PTPRG: variants seen among roughly 807,000 people sequenced by gnomAD.
PTPRG encodes receptor-type tyrosine-protein phosphatase gamma.
Under a neutral mutation model 165.3 loss-of-function variants are expected in PTPRG, and 102 were observed. The observed-to-expected ratio is 0.62, with a 90% CI of 0.53 to 0.73. The LOEUF is 0.73. Among genes scored for constraint, PTPRG ranks in the 30% least tolerant of loss-of-function variants. PTPRG has a pLI of 0.00. For missense variants in PTPRG, 1,866 were observed against 1,861.4 expected (o/e 1.00, Z -0.05); for synonymous variants, 675 against 669.5 (o/e 1.01, Z -0.13).
At position 62,203,197 on chromosome 3, in the gene PTPRG, G is replaced by A. The variant is rs746456916; in HGVS notation, c.1402G>A (p.Ala468Thr). The change falls in exon 12 of 30, where the codon GCC becomes ACC. Residue 468 changes from alanine to threonine, a missense_variant. Ala to Thr is a moderately conservative substitution (Grantham distance 58). Transcript: ENST00000474889. This position sits in a 1 kb window ranked among gnomAD's most constrained non-coding sequence, Gnocchi z 6.4. Reference sequence around the variant, plus strand: ...GCCCACAGCGTCTCCTGCCTCTTCAGCCGACATGGCCCCCATCAGCTCGGG... The same window carrying A: ...GCCCACAGCGTCTCCTGCCTCTTCAACCGACATGGCCCCCATCAGCTCGGG... Reference protein sequence around the residue: ...GVPTASPASSADMAPISSGSS... With the variant: ...GVPTASPASSTDMAPISSGSS... 2.5e-6 allele frequency: 4 copies of A among 1,599,390 alleles called. No individual in the cohort carries two copies. Among genetic ancestry groups the A allele is most frequent in the African/African-American group, 1.3e-5 (1 of 74,516 alleles).
At chr3:62,202,302 C>A (rs1271032718) in intron 11 of PTPRG, among the ~76,000 whole-genome samples, 2 of 152,156 alleles carry the variant, frequency 1.3e-5, no homozygotes, top group Non-Finnish European at 2.9e-5. Context: ...AGTCTTAGAC[C>A]CAGGCAGCCC....
chr3:62,211,047 T>C (rs1460147065), intron 12 of PTPRG, among the ~76,000 whole-genome samples: 1 of 152,168 alleles, frequency 6.6e-6, no homozygotes, highest in Non-Finnish European at 1.5e-5. Flanking sequence ...GAGGTATTTG[T>C]AGACCCATGT....
At chr3:61,604,417 GTT>G (rs1700946079) in intron 1 of PTPRG, among the ~76,000 whole-genome samples, 2 of 152,334 alleles carry the variant, frequency 1.3e-5, no homozygotes, top group Admixed American at 6.5e-5. Context: ...TCTGCCAGTG[GTT>G]TTAAGTTGCC....
intron 2 of PTPRG, among the ~76,000 whole-genome samples, chr3:61,950,103 T>C (rs1447089562): frequency 6.6e-6 from 1 of 152,236 alleles, no homozygotes; most frequent in Non-Finnish European, 1.5e-5. Context: ...AATCCCTGAA[T>C]GGCCTTGCAT....
At chr3:61,960,322 C>T (rs1417411071) in intron 2 of PTPRG, among the ~76,000 whole-genome samples, 2 of 149,758 alleles carry the variant, frequency 1.3e-5, no homozygotes, top group Non-Finnish European at 2.9e-5. Context: ...GGCATGGCCT[C>T]TTCTTCTTGA....
intron 5 of PTPRG, among the ~76,000 whole-genome samples, chr3:62,108,167 A>G (rs1702538972): frequency 6.6e-6 from 1 of 151,772 alleles, no homozygotes; most frequent in Non-Finnish European, 1.5e-5. Flanking sequence ...CCTACGTTAG[A>G]TATTTCTCCC....
intron 2 of PTPRG, among the ~76,000 whole-genome samples, chr3:61,883,246 C>T (rs1327943177): frequency 1.3e-5 from 2 of 152,204 alleles, no homozygotes; most frequent in Non-Finnish European, 2.9e-5. Flanking sequence ...ACACCATGCA[C>T]TGTCTTCTGA....
chr3:62,112,069 C>T (rs1702686977), intron 5 of PTPRG, among the ~76,000 whole-genome samples: 1 of 151,946 alleles, frequency 6.6e-6, no homozygotes, highest in Non-Finnish European at 1.5e-5. Context: ...ACCATGGCCC[C>T]AGGTTGAAGC....
At chr3:61,588,062 A>T (rs1700477758) in intron 1 of PTPRG, among the ~76,000 whole-genome samples, 1 of 151,846 alleles carries the variant, frequency 6.6e-6, no homozygotes, top group Non-Finnish European at 1.5e-5. Context: ...TTAAATTAGG[A>T]ACTTTCTCTT....
chr3:61,949,855 C>A (rs139018438), intron 2 of PTPRG, among the ~76,000 whole-genome samples: 1,942 of 152,120 alleles, frequency 0.013, 36 homozygotes, highest in African/African-American at 0.043. Context: ...TCAAGCAATT[C>A]TCCTGCCTCA....
At chr3:61,821,744 C>T (rs1039999809) in intron 2 of PTPRG, among the ~76,000 whole-genome samples, 8 of 152,066 alleles carry the variant, frequency 5.3e-5, no homozygotes, top group South Asian at 4.2e-4. Flanking sequence ...GCAGTATGAG[C>T]GATGACAATA....
rs577399031 is a variant in PTPRG, at chr3:62,130,288, C to A, written c.616-2314C>A. On this transcript the variant is annotated intron_variant, in intron 5 of 29. Transcript: ENST00000474889. ...TCCTTTAATAGGCTAACTTGGAATT[C>A]TTCATTTGATCTTAGGATTCCAAAG... is the stretch of plus-strand genomic sequence containing the variant. 2.0e-5 allele frequency among the ~76,000 whole-genome samples: 3 copies of A among 152,272 alleles called. No individual in the cohort carries two copies. In the East Asian group the frequency reaches 5.8e-4, roughly 29 times the overall value.
At chr3:62,092,439 G>GAAAAAAAAAAAAAAAAAAA (rs55955359) in intron 5 of PTPRG, among the ~76,000 whole-genome samples, 9 of 89,428 alleles carry the variant, frequency 1.0e-4, no homozygotes, top group South Asian at 7.9e-4. Context: ...GAGTCCATCT[G>GAAAAAAAAAAAAAAAAAAA]AAAAAAAAAA....
intron 1 of PTPRG, among the ~76,000 whole-genome samples, chr3:61,634,549 G>T (rs1485658763): frequency 6.7e-5 from 10 of 148,708 alleles, no homozygotes; most frequent in East Asian, 2.0e-4. Flanking sequence ...GTGTGTGTGT[G>T]TTTTTTTTTT....
At chr3:61,776,454 A>G (rs1029590859) in intron 2 of PTPRG, among the ~76,000 whole-genome samples, 1 of 152,124 alleles carries the variant, frequency 6.6e-6, no homozygotes, top group Non-Finnish European at 1.5e-5. Flanking sequence ...GTGTCACTTT[A>G]TGCTTATGGT....
intron 4 of PTPRG, among the ~76,000 whole-genome samples, chr3:62,067,256 CTTTTT>C (rs59784449): frequency 7.1e-6 from 1 of 139,986 alleles, no homozygotes; most frequent in Admixed American, 7.1e-5. Flanking sequence ...TAATTCTTTT[CTTTTT>C]TTTTTTTTTC....
At chr3:61,686,714 C>A (rs1352921843) in intron 1 of PTPRG, among the ~76,000 whole-genome samples, 2 of 152,260 alleles carry the variant, frequency 1.3e-5, no homozygotes, top group Admixed American at 6.5e-5. Context: ...GCAGATGTTA[C>A]AATCAGAGAA....
At chr3:61,676,469 A>AAAAAAAAG (rs1703228095) in intron 1 of PTPRG, among the ~76,000 whole-genome samples, 1 of 146,584 alleles carries the variant, frequency 6.8e-6, no homozygotes, top group Non-Finnish European at 1.5e-5. Flanking sequence ...AAAAAAAAAA[A>AAAAAAAAG]AAAAAGAAAA....
intron 2 of PTPRG, among the ~76,000 whole-genome samples, chr3:61,841,129 T>TA: frequency 6.6e-6 from 1 of 152,264 alleles, no homozygotes; most frequent in East Asian, 1.9e-4. Context: ...CTGATTATCT[T>TA]ACCAACTTTA....
Sources: gnomAD v4.1 joint callset for allele counts (sites outside exome capture counted in the v4.1 genomes callset) on GRCh38, gnomAD v4.1.1 for gene constraint, Gnocchi (gnomAD v3.1) non-coding constraint, MANE v1.5 for transcripts, NCBI Gene and HGNC (gene_info 2026-07-23, HGNC 2026-07-21) for gene names.